ZNF597: variants seen among roughly 807,000 people sequenced by gnomAD.
ZNF597 encodes zinc finger protein 597.
In ZNF597, 5 loss-of-function variants were observed where a neutral mutation model predicts 7.3. The ratio of observed to expected loss-of-function variants is 0.68; its 90% confidence interval spans 0.36 to 1.44. The LOEUF is 1.44. ZNF597 is among the 40% of genes most tolerant of loss of function. The pLI, the probability that ZNF597 is intolerant of heterozygous loss-of-function variation, is 0.04. For missense variants in ZNF597, 585 were observed against 517.9 expected (o/e 1.13, Z -1.26); for synonymous variants, 209 against 185.4 (o/e 1.13, Z -1.04).
At position 3,436,795 on chromosome 16, in the gene ZNF597, T is replaced by A. The variant is rs770881959; in HGVS notation, c.904A>T (p.Met302Leu). The A allele has an allele frequency of 1.9e-6, 3 of 1,613,680 alleles. No homozygotes were observed. Among genetic ancestry groups the A allele is most frequent in the Non-Finnish European group, 2.5e-6 (3 of 1,180,042 alleles). Residue 302 changes from methionine (M) to leucine (L), a missense_variant, in exon 4 of 4, where the codon ATG (methionine) becomes TTG (leucine). Physicochemically the swap from Met to Leu is conservative, Grantham distance 15 (BLOSUM62 2). Transcript: ENST00000301744. ...TATAAGGACTGCCTGAAGCTCTTCA[T>A]GCACTTAGTGTGCTGGTACTGGGGG... ...SGPQYQHTKC[M>L]KSFRQSLYPA...
In ZNF597 at chr16:3,434,632, C is replaced by G. The variant is rs2034283289; in HGVS notation, c.*1792G>C. ...TTTGTTAGTTTCAGTTTTTCTCTCACCTGAACAGTATCTTCCTGCCTCTAC... is the reference window on the plus strand; with the variant it reads ...TTTGTTAGTTTCAGTTTTTCTCTCAGCTGAACAGTATCTTCCTGCCTCTAC... On this transcript the variant is annotated 3_prime_UTR_variant, in exon 4 of 4. Coordinates refer to ENST00000301744, the MANE Select transcript of ZNF597 (RefSeq NM_152457.3). The G allele has an allele frequency of 6.6e-6, 1 of 152,196 alleles. No individual in the cohort carries two copies. Among genetic ancestry groups the G allele is most frequent in the African/African-American group, 2.4e-5 (1 of 41,448 alleles). The allele number at this position is 152,196 out of a possible 1,614,324, so 9.4% of individuals were successfully genotyped here.
chr16:3,436,356 C>T lies in ZNF597; in HGVS notation c.*68G>A. The T allele has an allele frequency of 6.8e-7, 1 of 1,466,858 alleles. No homozygotes were observed. The highest frequency in any genetic ancestry group is 9.3e-7 in the Non-Finnish European group (1 of 1,077,548). 90.9% of individuals were successfully genotyped at this position (1,466,858 alleles called of 1,614,324 possible). On this transcript the variant is annotated 3_prime_UTR_variant, in exon 4 of 4. Coordinates refer to ENST00000301744, the MANE Select transcript of ZNF597 (RefSeq NM_152457.3). ...CTTAGCACATTGCCTGGGACATATA[C>T]AGTAACTGCTTCCCACCATACAGAT...
chr16:3,440,451 G>A (rs1383109291), intron 3 of ZNF597, among the ~76,000 whole-genome samples: 1 of 152,054 alleles, frequency 6.6e-6, no homozygotes, highest in Non-Finnish European at 1.5e-5. Context: ...TGGCTAACAC[G>A]GTGAAACCCT....
rs1025667800 is a variant in ZNF597, at chr16:3,432,969, T to C, written c.*3455A>G. 6.6e-6 allele frequency: 1 copy of C among 152,238 alleles called. No individual in the cohort carries two copies. Among genetic ancestry groups the C allele is most frequent in the Non-Finnish European group, 1.5e-5 (1 of 68,044 alleles). 9.4% of individuals were successfully genotyped at this position (152,238 alleles called of 1,614,324 possible). On this transcript the variant is annotated 3_prime_UTR_variant, in exon 4 of 4. Transcript: ENST00000301744. The stretch of plus-strand genomic sequence containing the variant: ...TCCCTTTGTACACATAGGCAGTAAA[T>C]TGCAGATTACTTTGATCAAACTCTG...
chr16:3,441,000 G>T, intron 2 of ZNF597, 67 bp from the exon 3 acceptor site: 2 of 1,547,012 alleles, frequency 1.3e-6, no homozygotes. Context: ...ACCTAGGAAG[G>T]ATGAAAAGAG....
rs751953252 is a variant in ZNF597 at position 3,436,910 on chromosome 16, A to G, written c.789T>C (p.Ser263=). ...TAGTAGATTCGTAGGTGTTTTCAGC[A>G]CTGTGGCTTTTCTGATGCTGTGCCA... The part of the protein sequence containing the change: ...PGLAQHQKSH[S]AENTYESTNC... The change falls in exon 4 of 4, where the codon AGT becomes AGC. Residue 263 remains serine, a synonymous_variant. Transcript: ENST00000301744. 5.0e-6 allele frequency: 8 copies of G among 1,614,246 alleles called. No homozygotes were observed. The South Asian group carries it at 8.8e-5, about 18-fold the overall frequency.
rs570814602 is a variant in ZNF597, at chr16:3,433,279, A to T, written c.*3145T>A. 2.6e-5 allele frequency: 4 copies of T among 152,344 alleles called. No individual in the cohort carries two copies. The South Asian group carries it at 8.3e-4, about 32-fold the overall frequency. 9.4% of individuals were successfully genotyped at this position (152,344 alleles called of 1,614,324 possible). A position where few individuals can be genotyped will look rare whatever the true frequency, so the allele number is the denominator to read the frequency against. On this transcript the variant is annotated 3_prime_UTR_variant, in exon 4 of 4. Coordinates refer to ENST00000301744, the MANE Select transcript of ZNF597 (RefSeq NM_152457.3). ...AAATTATAAAATGTAAACTGCTGAC[A>T]TCTGAATTCCATTGGAAAAATGCTG...
At chr16:3,438,511 C>T (rs1480075773) in intron 3 of ZNF597, among the ~76,000 whole-genome samples, 3 of 150,338 alleles carry the variant, frequency 2.0e-5, no homozygotes, top group South Asian at 2.1e-4. Flanking sequence ...TGCAGTGAGC[C>T]GAGATCGCGC....
In ZNF597 at chr16:3,443,185, C is replaced by A. The variant is rs759989831; in HGVS notation, c.-32G>T. 1 of 1,605,918 alleles carries A rather than the reference C, an allele frequency of 6.2e-7. No homozygotes were observed. Among genetic ancestry groups the A allele is most frequent in the East Asian group, 2.2e-5 (1 of 44,702 alleles). On this transcript the variant is annotated 5_prime_UTR_variant, in exon 2 of 4. Transcript: ENST00000301744. ...GGTGGGGAATGCCTTCTTCAAGACG[C>A]CACAGGGACTTCGTGACAAAGCTGC...
chr16:3,439,928 C>G (rs2034348010), intron 3 of ZNF597, among the ~76,000 whole-genome samples: 1 of 152,048 alleles, frequency 6.6e-6, no homozygotes, highest in South Asian at 2.1e-4. Context: ...TTTACGCAGA[C>G]AGAAGACAAC....
At position 3,436,772 on chromosome 16, in the gene ZNF597, T is replaced by C; in HGVS notation, c.927A>G (p.Leu309=). The C allele has an allele frequency of 6.2e-7, 1 of 1,613,670 alleles. No individual in the cohort carries two copies. The highest frequency in any genetic ancestry group is 8.5e-7 in the Non-Finnish European group (1 of 1,180,038). The part of the protein sequence containing the change: ...TKCMKSFRQS[L]YPALSEKSHD... Reference sequence around the variant, plus strand: ...GGCTCTTCTCGGAAAGGGCAGGATATAAGGACTGCCTGAAGCTCTTCATGC... The same window carrying C: ...GGCTCTTCTCGGAAAGGGCAGGATACAAGGACTGCCTGAAGCTCTTCATGC... Residue 309 remains leucine (L), a synonymous_variant, in exon 4 of 4, where the codon TTA becomes TTG. Coordinates refer to ENST00000301744, the MANE Select transcript of ZNF597 (RefSeq NM_152457.3).
In ZNF597 at chr16:3,436,818, G is replaced by C. The variant is rs1431112486; in HGVS notation, c.881C>G (p.Pro294Arg). The C allele has an allele frequency of 6.2e-7, 1 of 1,613,586 alleles. No homozygotes were observed. The highest frequency in any genetic ancestry group is 8.5e-7 in the Non-Finnish European group (1 of 1,180,028). The stretch of plus-strand genomic sequence containing the variant: ...CATGCACTTAGTGTGCTGGTACTGG[G>C]GGCCTGATACGAATGTTTCCTCAGG... ...ALPEETFVSG[P>R]QYQHTKCMKS... is the part of the protein sequence containing the mutation. Residue 294 changes from proline (P) to arginine (R), a missense_variant, in exon 4 of 4, where the codon CCC becomes CGC. Transcript: ENST00000301744.
chr16:3,437,641 G>C, intron 3 of ZNF597, 103 bp from the exon 4 acceptor site: 2 of 1,448,840 alleles, frequency 1.4e-6, no homozygotes, highest in South Asian at 1.5e-5. Context: ...GGAAACCTTA[G>C]AAGGGTTATT....
Position 3,437,037 on chromosome 16 carries a change from A to T in ZNF597, c.662T>A (p.Phe221Tyr). 1 of 1,614,146 alleles carries T rather than the reference A, an allele frequency of 6.2e-7. No homozygotes were observed. ...PYKCAKCSAS[F>Y]RQHSHLSRHM... ...TCGGGATAGATGAGAGTGCTGGCGA[A>T]AGCTGGCACTGCACTTGGCACACTT... The change falls in exon 4 of 4, where the codon TTT (phenylalanine) becomes TAT (tyrosine). Residue 221 changes from phenylalanine to tyrosine, a missense_variant. Phe to Tyr is a conservative substitution (Grantham distance 22). Coordinates refer to ENST00000301744, the MANE Select transcript of ZNF597 (RefSeq NM_152457.3).
At chr16:3,441,012 T>C (rs576545882) in intron 2 of ZNF597, 79 bp from the exon 3 acceptor site, 121 of 1,545,436 alleles carry the variant, frequency 7.8e-5, no homozygotes, top group Non-Finnish European at 1.0e-4. Context: ...TGAAAAGAGC[T>C]AGAAACATCA....
chr16:3,436,075 T>C lies in ZNF597; in HGVS notation c.*349A>G, dbSNP rs1324761098. 9.3e-6 allele frequency: 2 copies of C among 215,810 alleles called. No homozygotes were observed. The highest frequency in any genetic ancestry group is 5.2e-5 in the Admixed American group (1 of 19,194). 13.4% of individuals were successfully genotyped at this position (215,810 alleles called of 1,614,324 possible). A position where few individuals can be genotyped will look rare whatever the true frequency, so the allele number is the denominator to read the frequency against. ...CAAAATATAAATAAATTCTCCTCCT[T>C]CTAAAAGTCAGAAACTACGTAAACA... On this transcript the variant is annotated 3_prime_UTR_variant, in exon 4 of 4. Transcript: ENST00000301744.
chr16:3,442,895 G>A (rs1169915434), intron 2 of ZNF597, among the ~76,000 whole-genome samples: 1 of 152,132 alleles, frequency 6.6e-6, no homozygotes, highest in African/African-American at 2.4e-5. Flanking sequence ...AACTCTCTCA[G>A]AGATTCCTCC....
Position 3,435,735 on chromosome 16 carries a change from G to C in ZNF597, c.*689C>G, listed in dbSNP as rs1354069164. On this transcript the variant is annotated 3_prime_UTR_variant, in exon 4 of 4. Transcript: ENST00000301744. ...AGCAAGTACTTCTCCCCCTCCCCAA[G>C]TCAAGTCCAGCCTCCAGAAAAGGGC... is the stretch of plus-strand genomic sequence containing the variant. The C allele has an allele frequency of 6.6e-6, 1 of 152,162 alleles. No homozygotes were observed. The highest frequency in any genetic ancestry group is 1.5e-5 in the Non-Finnish European group (1 of 68,042). The allele number at this position is 152,162 out of a possible 1,614,324, so 9.4% of individuals were successfully genotyped here.
intron 3 of ZNF597, among the ~76,000 whole-genome samples, chr16:3,438,773 C>A (rs3848356): frequency 0.46 from 69,196 of 151,924 alleles, 18,002 homozygotes; most frequent in East Asian, 0.64. Flanking sequence ...AATCTACTTA[C>A]AAGAATGGCT....
Sources: allele counts gnomAD v4.1 joint callset (sites outside exome capture counted in the v4.1 genomes callset), GRCh38; gene constraint gnomAD v4.1.1; transcripts MANE v1.5; gene names NCBI Gene and HGNC (gene_info 2026-07-23, HGNC 2026-07-21).